Variants in GTF3C4 observed in about 807,000 individuals in gnomAD.
GTF3C4 encodes the protein general transcription factor IIIC subunit 4.
GTF3C4 carries 28 observed loss-of-function variants against 67.5 expected under a neutral mutation model. The ratio of observed to expected loss-of-function variants is 0.41; its 90% CI spans 0.31 to 0.57. The LOEUF (loss-of-function observed/expected upper bound fraction) is 0.57, where lower values mean the gene tolerates loss of function less well. GTF3C4 is among the 20% of genes least tolerant of loss of function. The pLI is 0.21. For synonymous variants in GTF3C4, 409 were observed against 393.0 expected, an observed-to-expected ratio of 1.04 and a Z score of -0.48; for missense variants, 831 against 1,033.2, an observed-to-expected ratio of 0.80 and a Z score of 2.68.
In GTF3C4 at chr9:132,690,595, G is replaced by C. The variant is rs1220149674; in HGVS notation, c.*1650G>C. 7.1e-6 allele frequency: 1 copy of C among 140,586 alleles called. No homozygotes were observed. Among genetic ancestry groups the C allele is most frequent in the Non-Finnish European group, 1.5e-5 (1 of 66,774 alleles). 8.7% of individuals were successfully genotyped at this position (140,586 alleles called of 1,614,324 possible). A position where few individuals can be genotyped will look rare whatever the true frequency, so the allele number is the denominator to read the frequency against. ...TTTTCTGTTTCCTATTCAAATTGCT[G>C]TTTTGTCTCCTATGTTTAATCATGT... On this transcript the variant is annotated 3_prime_UTR_variant, in exon 5 of 5. Coordinates refer to ENST00000372146, the MANE Select transcript of GTF3C4 (RefSeq NM_012204.4).
At position 132,678,471 on chromosome 9, in the gene GTF3C4, T is replaced by C. The variant is rs748798691; in HGVS notation, c.852T>C (p.Asn284=). Residue 284 remains asparagine, a synonymous_variant, in exon 2 of 5, where the codon AAT becomes AAC. Transcript: ENST00000372146. The surrounding 1 kb of genome is among the most constrained non-coding windows in gnomAD (Gnocchi z 6.5). ...VLLAVLFENG[N]IAVWQFQLPF... ...TGGCTGTCCTCTTTGAAAACGGTAA[T>C]ATCGCCGTGTGGCAGTTTCAGCTGC... The C allele has an allele frequency of 6.2e-7, 1 of 1,614,186 alleles. No individual in the cohort carries two copies. Among genetic ancestry groups the C allele is most frequent in the East Asian group, 2.2e-5 (1 of 44,888 alleles).
In GTF3C4 at chr9:132,692,157, T is replaced by C. The variant is rs926756964; in HGVS notation, c.*3212T>C. 1 of 152,188 alleles carries C rather than the reference T, an allele frequency of 6.6e-6. No homozygotes were observed. Among genetic ancestry groups the C allele is most frequent in the African/African-American group, 2.4e-5 (1 of 41,452 alleles). 9.4% of individuals were successfully genotyped at this position (152,188 alleles called of 1,614,324 possible). A position where few individuals can be genotyped will look rare whatever the true frequency, so the allele number is the denominator to read the frequency against. On this transcript the variant is annotated 3_prime_UTR_variant, in exon 5 of 5. Coordinates refer to ENST00000372146, the MANE Select transcript of GTF3C4 (RefSeq NM_012204.4). Reference sequence around the variant, plus strand: ...GTTTCTGCTCCTGACCTCTCTCTCTTGCCTTTCCTTCCCCCAGACACCCTC... The same window carrying C: ...GTTTCTGCTCCTGACCTCTCTCTCTCGCCTTTCCTTCCCCCAGACACCCTC...
At chr9:132,676,393 ACTT>A (rs1184904081) in intron 1 of GTF3C4, among the ~76,000 whole-genome samples, 1 of 145,548 alleles carries the variant, frequency 6.9e-6, no homozygotes. Flanking sequence ...ATCTCGGCTC[ACTT>A]CAACCTCTGC....
chr9:132,677,324 C>CCCTGGAGGTGGG (rs1490966315), intron 1 of GTF3C4, among the ~76,000 whole-genome samples: 7 of 152,188 alleles, frequency 4.6e-5, no homozygotes, highest in Non-Finnish European at 1.0e-4. Flanking sequence ...ATCACTTGAA[C>CCCTGGAGGTGGG]CCTGGAGGTG....
In GTF3C4 at chr9:132,679,441, C is replaced by T. The variant is rs1220392915; in HGVS notation, c.1822C>T (p.Leu608=). 3.1e-6 allele frequency: 5 copies of T among 1,614,014 alleles called. No individual in the cohort carries two copies. The Admixed American group carries it at 8.3e-5, about 27-fold the overall frequency. The change falls in exon 2 of 5, where the codon CTA becomes TTA. Residue 608 remains leucine (L), a synonymous_variant. Coordinates refer to ENST00000372146, the MANE Select transcript of GTF3C4 (RefSeq NM_012204.4). The surrounding 1 kb of genome is among the most constrained non-coding windows in gnomAD (Gnocchi z 5.9). ...KPTHEDSKIL[L]VDSPGMGNAD... is the part of the protein sequence containing the mutation. ...CACCCATGAGGACTCAAAAATCTTA[C>T]TAGTGGATTCGCCTGGGATGGGCAA...
intron 4 of GTF3C4, among the ~76,000 whole-genome samples, chr9:132,687,906 T>C (rs459983): frequency 0.48 from 72,376 of 152,070 alleles, 17,981 homozygotes; most frequent in African/African-American, 0.61. Flanking sequence ...ACGTTAATAA[T>C]GCACTCTAAC....
Position 132,691,013 on chromosome 9 carries a change from G to A in GTF3C4, c.*2068G>A, listed in dbSNP as rs975839969. 1.3e-5 allele frequency: 2 copies of A among 152,108 alleles called. No individual in the cohort carries two copies. The highest frequency in any genetic ancestry group is 1.9e-4 in the East Asian group (1 of 5,198). 9.4% of individuals were successfully genotyped at this position (152,108 alleles called of 1,614,324 possible). On this transcript the variant is annotated 3_prime_UTR_variant, in exon 5 of 5. Coordinates refer to ENST00000372146, the MANE Select transcript of GTF3C4 (RefSeq NM_012204.4). ...TAGAGAGGATCTCCCAAATTTTTTTGTATGTCTCTCTAGGAGTAAACATGG... is the reference window on the plus strand; with the variant it reads ...TAGAGAGGATCTCCCAAATTTTTTTATATGTCTCTCTAGGAGTAAACATGG...
At chr9:132,684,074 G>A (rs535849244) in intron 3 of GTF3C4, among the ~76,000 whole-genome samples, 137 of 152,076 alleles carry the variant, frequency 9.0e-4, no homozygotes, top group Non-Finnish European at 1.7e-3. Context: ...CCTGCCTTCC[G>A]GGACACAGCA....
chr9:132,670,135 C>T (rs748881117), upstream of GTF3C4: 1 of 1,589,348 alleles, frequency 6.3e-7, no homozygotes, highest in South Asian at 1.1e-5. Flanking sequence ...CGCGTGCCCC[C>T]GCCTGGTGGC....
intron 3 of GTF3C4, among the ~76,000 whole-genome samples, chr9:132,684,579 C>G (rs539228124): frequency 2.2e-4 from 34 of 152,342 alleles, no homozygotes; most frequent in African/African-American, 6.5e-4. Context: ...GCCCCTTCCT[C>G]CCTTTGTCCT....
intron 1 of GTF3C4, among the ~76,000 whole-genome samples, chr9:132,677,728 T>C (rs1835882450): frequency 6.6e-6 from 1 of 152,238 alleles, no homozygotes; most frequent in South Asian, 2.1e-4. Flanking sequence ...AATCTAAATA[T>C]CAATTTGTAT....
At chr9:132,686,996 T>C (rs1167290352) in intron 3 of GTF3C4, among the ~76,000 whole-genome samples, 1 of 152,226 alleles carries the variant, frequency 6.6e-6, no homozygotes, top group Non-Finnish European at 1.5e-5. Context: ...TTTCTGATGC[T>C]CAAACAGGAA....
upstream of GTF3C4, chr9:132,670,292 A>G (rs1835671549): frequency 6.6e-7 from 1 of 1,506,788 alleles, no homozygotes. Context: ...GCGTTTCCTC[A>G]GCACTTTAGG....
At chr9:132,675,894 C>CTT (rs1835856454) in intron 1 of GTF3C4, among the ~76,000 whole-genome samples, 3 of 73,694 alleles carry the variant, frequency 4.1e-5, no homozygotes, top group Admixed American at 1.9e-4. Flanking sequence ...TTCCAGTTAC[C>CTT]CTTTTTTTTT....
chr9:132,694,150 G>A lies in GTF3C4; in HGVS notation c.*5205G>A, dbSNP rs1405527051. On this transcript the variant is annotated 3_prime_UTR_variant, in exon 5 of 5. Coordinates refer to ENST00000372146, the MANE Select transcript of GTF3C4 (RefSeq NM_012204.4). ...AGTTTGATAACAATGCATTTTGCTT[G>A]GAATACCCCCCAATCCAGAAAAGTT... 2.0e-5 allele frequency: 3 copies of A among 151,954 alleles called. No individual in the cohort carries two copies. Among genetic ancestry groups the A allele is most frequent in the Admixed American group, 2.0e-4 (3 of 15,254 alleles). The allele number at this position is 151,954 out of a possible 1,614,324, so 9.4% of individuals were successfully genotyped here.
chr9:132,674,577 T>G (rs1016485382), intron 1 of GTF3C4, among the ~76,000 whole-genome samples: 1 of 152,234 alleles, frequency 6.6e-6, no homozygotes, highest in African/African-American at 2.4e-5. Flanking sequence ...CTACAGTAGC[T>G]TTTATTTGTA....
upstream of GTF3C4, chr9:132,670,254 C>T: frequency 6.6e-7 from 1 of 1,523,596 alleles, no homozygotes. Flanking sequence ...CGCCATCTCA[C>T]CGACGAGCCT....
At chr9:132,681,365 C>T (rs1835941291) in intron 2 of GTF3C4, among the ~76,000 whole-genome samples, 1 of 152,162 alleles carries the variant, frequency 6.6e-6, no homozygotes, top group Non-Finnish European at 1.5e-5. Flanking sequence ...AGATTGCACA[C>T]CCGTCCCTGT....
chr9:132,683,592 GAACA>G lies in GTF3C4; in HGVS notation c.2219_2222del (p.Lys740ArgfsTer35). 3 of 1,612,498 alleles carry G rather than the reference GAACA, an allele frequency of 1.9e-6. No individual in the cohort carries two copies. The highest frequency in any genetic ancestry group is 2.5e-6 in the Non-Finnish European group (3 of 1,179,624). On this transcript the variant is annotated frameshift_variant, in exon 3 of 5. Coordinates refer to ENST00000372146, the MANE Select transcript of GTF3C4 (RefSeq NM_012204.4). LOFTEE classifies it high-confidence loss of function. The stretch of plus-strand genomic sequence containing the variant: ...TGATTGGACATATCTCAAAGAAGAT[GAACA>G]AACAGACTTTCCCTGAGCACTGTAG...
Sources: gnomAD v4.1 joint callset for allele counts (sites outside exome capture counted in the v4.1 genomes callset) on GRCh38, gnomAD v4.1.1 for gene constraint, Gnocchi (gnomAD v3.1) non-coding constraint, MANE v1.5 for transcripts, NCBI Gene and HGNC (gene_info 2026-07-23, HGNC 2026-07-21) for gene names.